Variants in ULK4 observed in about 807,000 individuals in gnomAD.
The protein encoded by ULK4 is unc-51 like kinase 4, also known as inactive serine/threonine-protein kinase ULK4.
ULK4 carries 133 observed loss-of-function variants against 160.6 expected under a neutral mutation model. The ratio of observed to expected loss-of-function variants is 0.83; its 90% CI spans 0.72 to 0.96. The LOEUF (loss-of-function observed/expected upper bound fraction) is 0.96. Among genes scored for constraint, ULK4 ranks in the 40% least tolerant of loss-of-function variants. The probability of loss-of-function intolerance (pLI) is 0.00; values close to 1 mark genes in which losing one functional copy is unlikely to be tolerated. For synonymous variants in ULK4, 534 were observed against 539.8 expected (o/e 0.99, Z 0.15); for missense variants, 1,580 against 1,499.5 (o/e 1.05, Z -0.89).
At chr3:41,267,363 A>G (rs1490257269) in intron 35 of ULK4, among the ~76,000 whole-genome samples, 1 of 152,140 alleles carries the variant, frequency 6.6e-6, no homozygotes, top group African/African-American at 2.4e-5. Context: ...TTATGGCTGC[A>G]TAGTACTCCA....
At chr3:41,485,476 A>G (rs9878069) in intron 32 of ULK4, among the ~76,000 whole-genome samples, 47,172 of 152,130 alleles carry the variant, frequency 0.31, 7,533 homozygotes, top group Non-Finnish European at 0.34. Context: ...GCAGCAAGAA[A>G]TTCTACCTTG....
At chr3:41,784,200 C>T (rs557131848) in intron 21 of ULK4, among the ~76,000 whole-genome samples, 3 of 151,812 alleles carry the variant, frequency 2.0e-5, no homozygotes, top group East Asian at 1.9e-4. Context: ...TTTGGGAGGC[C>T]GAGGCAGGTA....
At chr3:41,800,355 T>G in intron 19 of ULK4, 62 bp from the exon 20 acceptor site, 2 of 1,499,672 alleles carry the variant, frequency 1.3e-6, no homozygotes, top group East Asian at 2.3e-5. Flanking sequence ...TATTTCTTTA[T>G]GACCATTGTA....
At chr3:41,846,924 T>C (rs1399153493) in intron 17 of ULK4, among the ~76,000 whole-genome samples, 1 of 152,236 alleles carries the variant, frequency 6.6e-6, no homozygotes, top group Admixed American at 6.5e-5. Context: ...AATGGGTTTT[T>C]TGGTGTTATT....
intron 27 of ULK4, among the ~76,000 whole-genome samples, chr3:41,699,359 AATGT>A (rs1433387461): frequency 2.0e-5 from 3 of 152,212 alleles, no homozygotes; most frequent in African/African-American, 7.2e-5. Context: ...TTTTCGTTAA[AATGT>A]ATTAAGGCTT....
At chr3:41,716,104 T>C (rs1014565818) in intron 23 of ULK4, among the ~76,000 whole-genome samples, 1 of 151,078 alleles carries the variant, frequency 6.6e-6, no homozygotes, top group Non-Finnish European at 1.5e-5. Flanking sequence ...TCCCAGCTAC[T>C]TGGGAGGCTG....
chr3:41,308,037 C>A (rs2079982219), intron 35 of ULK4, among the ~76,000 whole-genome samples: 1 of 152,090 alleles, frequency 6.6e-6, no homozygotes, highest in Non-Finnish European at 1.5e-5. Context: ...TCCATGCCCT[C>A]AGGAACAGAG....
At chr3:41,738,467 G>A (rs975187605) in intron 22 of ULK4, among the ~76,000 whole-genome samples, 1 of 151,912 alleles carries the variant, frequency 6.6e-6, no homozygotes, top group African/African-American at 2.4e-5. Flanking sequence ...AAAACACTCT[G>A]CAAAGATCTG....
intron 35 of ULK4, among the ~76,000 whole-genome samples, chr3:41,292,791 A>C (rs1158316086): frequency 6.6e-6 from 1 of 151,950 alleles, no homozygotes; most frequent in Non-Finnish European, 1.5e-5. Context: ...TAAAAATACA[A>C]AAATTAGCTG....
intron 35 of ULK4, among the ~76,000 whole-genome samples, chr3:41,389,021 T>G (rs935028275): frequency 4.6e-5 from 7 of 151,960 alleles, no homozygotes; most frequent in African/African-American, 1.5e-4. Flanking sequence ...GGAATGTTCT[T>G]CCATTTCTTT....
At chr3:41,290,163 C>T (rs997143212) in intron 35 of ULK4, among the ~76,000 whole-genome samples, 2 of 152,162 alleles carry the variant, frequency 1.3e-5, no homozygotes, top group African/African-American at 2.4e-5. Context: ...GCGTGAGCCA[C>T]CATGCCCAGC....
chr3:41,839,690 A>C (rs1472062520), intron 17 of ULK4, among the ~76,000 whole-genome samples: 1 of 152,104 alleles, frequency 6.6e-6, no homozygotes, highest in Non-Finnish European at 1.5e-5. Context: ...GAAAGTCCCA[A>C]AGAGTCTAAA....
At chr3:41,758,938 C>CA (rs2038895733) in intron 21 of ULK4, among the ~76,000 whole-genome samples, 1 of 151,364 alleles carries the variant, frequency 6.6e-6, no homozygotes, top group African/African-American at 2.4e-5. Context: ...ACCACATAGC[C>CA]ATATCAATTA....
At chr3:41,929,610 T>A (rs1289168543) in intron 5 of ULK4, among the ~76,000 whole-genome samples, 1 of 152,096 alleles carries the variant, frequency 6.6e-6, no homozygotes, top group Non-Finnish European at 1.5e-5. Flanking sequence ...GCCCAACATC[T>A]CCTAAAGCTG....
At chr3:41,270,641 G>A (rs2079124234) in intron 35 of ULK4, among the ~76,000 whole-genome samples, 1 of 152,184 alleles carries the variant, frequency 6.6e-6, no homozygotes, top group Non-Finnish European at 1.5e-5. Context: ...AGTGCTTACT[G>A]TATGCCAGGT....
chr3:41,765,290 G>C (rs1328829097), intron 21 of ULK4, among the ~76,000 whole-genome samples: 3 of 152,044 alleles, frequency 2.0e-5, no homozygotes, highest in Non-Finnish European at 2.9e-5. Context: ...CCATCATTCT[G>C]GGCAAACTAT....
chr3:41,801,093 C>A lies in ULK4; in HGVS notation c.1849-800G>T, dbSNP rs139671618. 6.8e-3 allele frequency among the ~76,000 whole-genome samples: 1,028 copies of A among 151,940 alleles called. 10 individuals carry two copies. Among genetic ancestry groups the A allele is most frequent in the African/African-American group, 0.024 (988 of 41,410 alleles). On this transcript the variant is annotated intron_variant, in intron 19 of 36. Transcript: ENST00000301831. ...ATTAAATGGCTATAATAAATGTAGT[C>A]CACATACTCAAGAAGGAAGAGGAAA...
At chr3:41,598,829 CA>C (rs1475090639) in intron 31 of ULK4, among the ~76,000 whole-genome samples, 2 of 152,308 alleles carry the variant, frequency 1.3e-5, no homozygotes, top group African/African-American at 4.8e-5. Flanking sequence ...AACAAATTAT[CA>C]CAGACGTTGT....
intron 30 of ULK4, among the ~76,000 whole-genome samples, chr3:41,642,988 C>G (rs957780745): frequency 6.6e-6 from 1 of 152,206 alleles, no homozygotes; most frequent in East Asian, 1.9e-4. Context: ...ATAAATGTCT[C>G]CTTTTGAGAA....
Sources: allele counts gnomAD v4.1 joint callset (sites outside exome capture counted in the v4.1 genomes callset), GRCh38; gene constraint gnomAD v4.1.1; transcripts MANE v1.5; gene names NCBI Gene and HGNC (gene_info 2026-07-23, HGNC 2026-07-21).